The following CYREN variants were observed in gnomAD, a reference collection of about 807,000 sequenced individuals.
CYREN encodes cell cycle regulator of NHEJ.
In CYREN, 7 loss-of-function variants were observed where a neutral mutation model predicts 9.7. That is an observed-to-expected ratio of 0.72 (90% CI 0.41 to 1.36). The LOEUF is 1.36. Ranked by LOEUF, CYREN falls within the 40% of genes most tolerant of loss-of-function variation. The pLI, the probability that CYREN is intolerant of heterozygous loss-of-function variation, is 0.01. For missense variants in CYREN, 215 were observed against 198.1 expected (o/e 1.09, Z -0.51); for synonymous variants, 76 against 77.9 (o/e 0.98, Z 0.13).
downstream of CYREN, chr7:135,164,535 C>T (rs1247197061): frequency 2.5e-6 from 4 of 1,614,198 alleles, no homozygotes; most frequent in South Asian, 3.3e-5. Context: ...GTTTTACGCT[C>T]TTCTCTGGGA....
At chr7:135,138,240 C>A (rs1338794989) in intron 2 of CYREN, among the ~76,000 whole-genome samples, 8 of 151,288 alleles carry the variant, frequency 5.3e-5, no homozygotes, top group Non-Finnish European at 1.2e-4. Context: ...CCTACGTAAA[C>A]AAAGGGAAAG....
chr7:135,166,913 A>C, intron 3 of CYREN, 42 bp from the exon 4 acceptor site: 1 of 1,595,700 alleles, frequency 6.3e-7, no homozygotes, highest in Non-Finnish European at 8.6e-7. Flanking sequence ...TACGTGTTTT[A>C]TTTCCCTAAC....
chr7:135,115,421 T>A, intron 2 of CYREN: 1 of 1,551,252 alleles, frequency 6.4e-7, no homozygotes, highest in Non-Finnish European at 8.7e-7. Context: ...AGAATGCATA[T>A]CTTTCCAAAG....
At chr7:135,097,538 T>G (rs1001729542) in intron 2 of CYREN, among the ~76,000 whole-genome samples, 2 of 152,172 alleles carry the variant, frequency 1.3e-5, no homozygotes, top group Non-Finnish European at 1.5e-5. Flanking sequence ...CATGTTTCAT[T>G]CAGTCTGTGA....
chr7:135,158,011 A>G (rs1409096239), intron 2 of CYREN, among the ~76,000 whole-genome samples: 2 of 151,996 alleles, frequency 1.3e-5, no homozygotes, highest in Admixed American at 6.5e-5. Flanking sequence ...AACCCGTAGC[A>G]GGCACTGGGT....
chr7:135,158,878 G>T (rs917855520), intron 2 of CYREN, among the ~76,000 whole-genome samples: 11 of 152,314 alleles, frequency 7.2e-5, no homozygotes, highest in Non-Finnish European at 1.2e-4. Context: ...TCTCAAAATG[G>T]CACCCTGCTG....
chr7:135,160,707 G>A (rs946802236), intron 2 of CYREN, among the ~76,000 whole-genome samples: 1 of 150,406 alleles, frequency 6.6e-6, no homozygotes, highest in African/African-American at 2.4e-5. Flanking sequence ...AACTCAGGGA[G>A]CCTATGTAGC....
intron 2 of CYREN, among the ~76,000 whole-genome samples, chr7:135,102,451 T>C (rs955646204): frequency 6.6e-6 from 1 of 152,178 alleles, no homozygotes; most frequent in Non-Finnish European, 1.5e-5. Context: ...TAAAATTTTA[T>C]ACTCCATTGA....
chr7:135,149,199 A>C (rs1480983595), intron 2 of CYREN, among the ~76,000 whole-genome samples: 2 of 151,738 alleles, frequency 1.3e-5, no homozygotes, highest in African/African-American at 4.8e-5. Flanking sequence ...TTTTTTTTTC[A>C]TAAATGTAGC....
intron 2 of CYREN, among the ~76,000 whole-genome samples, chr7:135,120,259 C>A (rs998960357): frequency 2.0e-5 from 3 of 151,956 alleles, no homozygotes; most frequent in African/African-American, 7.2e-5. Context: ...ATGGTTGAAG[C>A]AAAAATTATA....
intron 2 of CYREN, chr7:135,128,613 C>T (rs1828287829): frequency 2.5e-6 from 2 of 785,852 alleles, no homozygotes; most frequent in Admixed American, 1.8e-5. Flanking sequence ...ATGGGAAGAA[C>T]ACCCTGGCAG....
intron 2 of CYREN, among the ~76,000 whole-genome samples, chr7:135,110,069 T>C (rs1286992555): frequency 6.6e-6 from 1 of 152,024 alleles, no homozygotes; most frequent in Non-Finnish European, 1.5e-5. Context: ...TGGCTAGGGC[T>C]GCAAAACAGC....
At chr7:135,117,010 C>T (rs930425709) in intron 2 of CYREN, among the ~76,000 whole-genome samples, 6 of 152,170 alleles carry the variant, frequency 3.9e-5, no homozygotes, top group Non-Finnish European at 7.4e-5. Context: ...TTCTTGAAGT[C>T]CTTAGCTAGC....
chr7:135,107,910 T>C (rs1824989796), intron 2 of CYREN, among the ~76,000 whole-genome samples: 2 of 152,210 alleles, frequency 1.3e-5, no homozygotes, highest in South Asian at 4.1e-4. Flanking sequence ...TGGGTACATA[T>C]ATATTTAGAA....
At chr7:135,164,298 C>A, downstream of CYREN, 1 of 765,236 alleles carries the variant, frequency 1.3e-6, no homozygotes, top group East Asian at 2.6e-5. Context: ...TGGTGGAGGG[C>A]AGGGTAGGAG....
At chr7:135,165,276 A>G (rs1830064795), downstream of CYREN, 1 of 366,052 alleles carries the variant, frequency 2.7e-6, no homozygotes, top group African/African-American at 2.1e-5. Flanking sequence ...TCCTGCTTTA[A>G]TTAATGGATC....
intron 2 of CYREN, among the ~76,000 whole-genome samples, chr7:135,103,320 AT>A (rs1439843076): frequency 6.6e-6 from 1 of 152,176 alleles, no homozygotes; most frequent in African/African-American, 2.4e-5. Flanking sequence ...GGAGTTCCTT[AT>A]ACTAGTCTCT....
At chr7:135,103,182 C>T (rs11970908) in intron 2 of CYREN, among the ~76,000 whole-genome samples, 7,648 of 152,098 alleles carry the variant, frequency 0.05, 258 homozygotes, top group Non-Finnish European at 0.08. Context: ...CGTGCTTCAC[C>T]TGCCTAGATT....
intron 2 of CYREN, among the ~76,000 whole-genome samples, chr7:135,112,997 G>A (rs1451921494): frequency 1.3e-5 from 2 of 152,004 alleles, no homozygotes; most frequent in Non-Finnish European, 2.9e-5. Context: ...GGCTAGTCTC[G>A]AATTCCTAAC....
Sources: allele counts gnomAD v4.1 joint callset (sites outside exome capture counted in the v4.1 genomes callset), GRCh38; gene constraint gnomAD v4.1.1; transcripts MANE v1.5; gene names NCBI Gene and HGNC (gene_info 2026-07-23, HGNC 2026-07-21).